The following TACC1 variants were observed in gnomAD, a reference collection of about 807,000 sequenced individuals.
TACC1 encodes transforming acidic coiled-coil containing protein 1.
TACC1 carries 48 observed loss-of-function variants against 84.4 expected under a neutral mutation model. The observed-to-expected ratio is 0.57, with a 90% CI of 0.45 to 0.72. TACC1 has a LOEUF of 0.72. Among genes scored for constraint, TACC1 ranks in the 30% least tolerant of loss-of-function variants. TACC1 has a pLI of 0.00. For missense variants in TACC1, 920 were observed against 973.0 expected, an observed-to-expected ratio of 0.95 and a Z score of 0.72; for synonymous variants, 372 against 376.3, an observed-to-expected ratio of 0.99 and a Z score of 0.13.
At chr8:38,776,284 C>T (rs1329713895) in intron 3 of TACC1, among the ~76,000 whole-genome samples, 2 of 152,208 alleles carry the variant, frequency 1.3e-5, no homozygotes, top group African/African-American at 4.8e-5. Context: ...AGTATCACAG[C>T]TCAAGTCATT....
intron 8 of TACC1, chr8:38,839,618 T>C (rs1588128982): frequency 1.5e-5 from 4 of 261,570 alleles, no homozygotes; most frequent in Non-Finnish European, 2.9e-5. Flanking sequence ...GGCACCACCA[T>C]TGAGGGCAGG....
chr8:38,757,127 C>G (rs1313375496), intron 3 of TACC1: 1 of 544,962 alleles, frequency 1.8e-6, no homozygotes, highest in Non-Finnish European at 2.6e-6. Flanking sequence ...CCCGCGGGGC[C>G]CTGCAATCCG....
intron 1 of TACC1, among the ~76,000 whole-genome samples, chr8:38,730,783 G>A (rs760866097): frequency 2.0e-5 from 3 of 152,246 alleles, no homozygotes; most frequent in Non-Finnish European, 4.4e-5. Context: ...AGGCTGGGAG[G>A]AGCAGGGTCA....
chr8:38,741,858 T>A (rs1459498701), intron 1 of TACC1, among the ~76,000 whole-genome samples: 1 of 152,166 alleles, frequency 6.6e-6, no homozygotes, highest in Non-Finnish European at 1.5e-5. Context: ...TGCCAGGGAC[T>A]GAAATACGGC....
intron 7 of TACC1, among the ~76,000 whole-genome samples, chr8:38,836,703 T>C (rs182830832): frequency 6.6e-6 from 1 of 152,238 alleles, no homozygotes; most frequent in South Asian, 2.1e-4. Flanking sequence ...ACCGTTCAAC[T>C]CTCCGATTCC....
chr8:38,807,288 AG>A (rs1822992511), intron 2 of TACC1, among the ~76,000 whole-genome samples: 1 of 152,204 alleles, frequency 6.6e-6, no homozygotes, highest in African/African-American at 2.4e-5. Context: ...TCTGGTCGTC[AG>A]CCCCCATCCT....
intron 8 of TACC1, chr8:38,839,317 T>A (rs375419590): frequency 1.8e-5 from 7 of 395,944 alleles, no homozygotes; most frequent in African/African-American, 1.2e-4. Context: ...TTATTTTTCC[T>A]CACTTTTAGA....
At chr8:38,772,021 G>GAA (rs900439072) in intron 3 of TACC1, among the ~76,000 whole-genome samples, 4 of 141,376 alleles carry the variant, frequency 2.8e-5, no homozygotes, top group African/African-American at 1.1e-4. Context: ...ATGAAAGAAA[G>GAA]AAAAAGAGAG....
chr8:38,817,158 T>C (rs1303146377), intron 2 of TACC1, among the ~76,000 whole-genome samples: 1 of 152,188 alleles, frequency 6.6e-6, no homozygotes, highest in African/African-American at 2.4e-5. Flanking sequence ...AAAGGAGTGA[T>C]AACTATCTAA....
chr8:38,754,221 G>A (rs1029976476), intron 3 of TACC1, among the ~76,000 whole-genome samples: 2 of 151,974 alleles, frequency 1.3e-5, no homozygotes, highest in African/African-American at 2.4e-5. Context: ...CAAAGTGCTG[G>A]GATTACAGGT....
chr8:38,748,838 G>T (rs1808512368), intron 3 of TACC1, among the ~76,000 whole-genome samples: 1 of 151,778 alleles, frequency 6.6e-6, no homozygotes, highest in African/African-American at 2.4e-5. Context: ...TATACGAAGT[G>T]GGGAAAGTTC....
upstream of TACC1, among the ~76,000 whole-genome samples, chr8:38,784,583 T>G (rs969134606): frequency 2.7e-5 from 4 of 150,042 alleles, no homozygotes; most frequent in South Asian, 2.1e-4. Context: ...AAAAAAAAAG[T>G]AAATTGCTGC....
intron 3 of TACC1, among the ~76,000 whole-genome samples, chr8:38,750,106 AAGGCTAT>A (rs1223801027): frequency 6.6e-6 from 1 of 152,152 alleles, no homozygotes; most frequent in Non-Finnish European, 1.5e-5. Flanking sequence ...CCAGGAGTTC[AAGGCTAT>A]AGTGCACTAT....
intron 1 of TACC1, among the ~76,000 whole-genome samples, chr8:38,736,127 C>T (rs11776390): frequency 0.094 from 14,285 of 152,134 alleles, 743 homozygotes; most frequent in South Asian, 0.15. Flanking sequence ...TGTTGACCTC[C>T]GTGGTGACAC....
At chr8:38,840,299 G>A (rs1830998298) in intron 9 of TACC1, 32 bp downstream of exon 9, 2 of 1,590,484 alleles carry the variant, frequency 1.3e-6, no homozygotes, top group Non-Finnish European at 1.7e-6. Context: ...TTGAGGGTAT[G>A]AGCCATAGGA....
At chr8:38,780,957 A>G (rs1563425878) in intron 3 of TACC1, among the ~76,000 whole-genome samples, 1 of 152,226 alleles carries the variant, frequency 6.6e-6, no homozygotes, top group Non-Finnish European at 1.5e-5. Context: ...TTGGTCACAA[A>G]CACATGAGTT....
At chr8:38,817,919 TAAAAAAAAAAAAA>T (rs60301511) in intron 2 of TACC1, among the ~76,000 whole-genome samples, 4 of 47,796 alleles carry the variant, frequency 8.4e-5, no homozygotes, top group African/African-American at 2.6e-4. Context: ...GAGAGACCCC[TAAAAAAAAAAAAA>T]AAAAAAAAAA....
intron 11 of TACC1, among the ~76,000 whole-genome samples, chr8:38,843,869 G>A (rs1021711791): frequency 1.3e-5 from 2 of 152,162 alleles, no homozygotes; most frequent in Non-Finnish European, 2.9e-5. Context: ...AGACAGTGCT[G>A]TAATAAGTGA....
intron 3 of TACC1, among the ~76,000 whole-genome samples, chr8:38,762,308 A>C (rs1437441492): frequency 1.3e-5 from 2 of 151,990 alleles, no homozygotes; most frequent in Non-Finnish European, 1.5e-5. Context: ...CCCGGCACCC[A>C]CCATCCTATT....
Sources: gnomAD v4.1 joint callset for allele counts (sites outside exome capture counted in the v4.1 genomes callset) on GRCh38, gnomAD v4.1.1 for gene constraint, MANE v1.5 for transcripts, NCBI Gene and HGNC (gene_info 2026-07-23, HGNC 2026-07-21) for gene names.